TTC27: variants seen among roughly 807,000 people sequenced by gnomAD.
The protein encoded by TTC27 is tetratricopeptide repeat domain 27, also known as tetratricopeptide repeat protein 27.
A neutral mutation model predicts 115.9 loss-of-function variants in TTC27; 79 were observed. The observed-to-expected ratio is 0.68, with a 90% CI of 0.57 to 0.82. The LOEUF (loss-of-function observed/expected upper bound fraction) is 0.82, where lower values mean the gene tolerates loss of function less well. Ranked by LOEUF, TTC27 falls within the 40% of genes least tolerant of loss-of-function variation. TTC27 has a pLI of 0.00. For synonymous variants in TTC27, 401 were observed against 356.0 expected (o/e 1.13, Z -1.42); for missense variants, 1,054 against 993.1 (o/e 1.06, Z -0.82).
chr2:32,678,790 A>G (rs566058099), intron 8 of TTC27, 66 bp from the exon 9 acceptor site: 2 of 1,275,168 alleles, frequency 1.6e-6, no homozygotes, highest in Admixed American at 4.3e-5. Flanking sequence ...TGCTTTTTAA[A>G]AATTATATTT....
chr2:32,684,185 T>G (rs939445008), intron 9 of TTC27, among the ~76,000 whole-genome samples: 2 of 152,134 alleles, frequency 1.3e-5, no homozygotes, highest in Non-Finnish European at 2.9e-5. Context: ...TTTGGTTTTT[T>G]GTTCTTGCGA....
At chr2:32,642,678 T>TG (rs796711904) in intron 4 of TTC27, among the ~76,000 whole-genome samples, 88 of 152,124 alleles carry the variant, frequency 5.8e-4, no homozygotes, top group African/African-American at 1.9e-3. Flanking sequence ...TTGTTTTGTT[T>TG]TTTTTTTAAG....
At chr2:32,765,657 A>T (rs1316522406) in intron 13 of TTC27, among the ~76,000 whole-genome samples, 1 of 152,134 alleles carries the variant, frequency 6.6e-6, no homozygotes, top group Non-Finnish European at 1.5e-5. Flanking sequence ...CTTCTAAAAG[A>T]AGGTTGTTTT....
intron 16 of TTC27, among the ~76,000 whole-genome samples, chr2:32,801,140 G>A (rs900007436): frequency 6.6e-6 from 1 of 152,106 alleles, no homozygotes; most frequent in Non-Finnish European, 1.5e-5. Context: ...GAGTGCCCTC[G>A]GAAGAGTTTT....
chr2:32,659,328 GT>G (rs2151875608), intron 5 of TTC27, among the ~76,000 whole-genome samples: 1 of 143,354 alleles, frequency 7.0e-6, no homozygotes, highest in South Asian at 2.3e-4. Context: ...AACTGATATC[GT>G]CTTCATCAGA....
At chr2:32,724,022 C>A (rs1490001054) in intron 10 of TTC27, among the ~76,000 whole-genome samples, 5 of 133,582 alleles carry the variant, frequency 3.7e-5, no homozygotes, top group African/African-American at 1.2e-4. Context: ...TTAAAACATT[C>A]ACTCAGGTTT....
chr2:32,802,181 G>A (rs1011231791), intron 16 of TTC27, among the ~76,000 whole-genome samples: 2 of 151,984 alleles, frequency 1.3e-5, no homozygotes, highest in African/African-American at 4.8e-5. Flanking sequence ...GTTTCCAGAT[G>A]AAAAGGCAAG....
chr2:32,767,611 G>A (rs3862980), intron 13 of TTC27, among the ~76,000 whole-genome samples: 24,619 of 151,068 alleles, frequency 0.16, 2,444 homozygotes, highest in East Asian at 0.35. Context: ...ACAGGCGCCC[G>A]CCACCGCGCC....
chr2:32,632,090 C>T (rs559879448), intron 2 of TTC27, among the ~76,000 whole-genome samples: 1 of 151,806 alleles, frequency 6.6e-6, no homozygotes, highest in South Asian at 2.1e-4. Flanking sequence ...GGATTACAGA[C>T]GTGAGCCACT....
intron 9 of TTC27, among the ~76,000 whole-genome samples, chr2:32,691,011 A>G (rs1253330231): frequency 6.6e-6 from 1 of 152,208 alleles, no homozygotes; most frequent in Non-Finnish European, 1.5e-5. Context: ...TGGAAAAAGC[A>G]GCTATCTGAA....
At chr2:32,801,141 G>C (rs1670920712) in intron 16 of TTC27, among the ~76,000 whole-genome samples, 1 of 152,154 alleles carries the variant, frequency 6.6e-6, no homozygotes, top group African/African-American at 2.4e-5. Flanking sequence ...AGTGCCCTCG[G>C]AAGAGTTTTT....
At chr2:32,760,927 GCTTAGTC>G (rs1285765651) in intron 13 of TTC27, among the ~76,000 whole-genome samples, 2 of 152,204 alleles carry the variant, frequency 1.3e-5, no homozygotes, top group African/African-American at 4.8e-5. Flanking sequence ...TGCCTTAAAG[GCTTAGTC>G]CTTGGACCTT....
At chr2:32,736,623 A>G in intron 11 of TTC27, 71 bp from the exon 12 acceptor site, 1 of 1,576,350 alleles carries the variant, frequency 6.3e-7, no homozygotes, top group South Asian at 1.1e-5. Flanking sequence ...CAGATTAGGT[A>G]CACCTGCAAG....
At chr2:32,652,067 G>A (rs1665145198) in intron 5 of TTC27, among the ~76,000 whole-genome samples, 1 of 152,038 alleles carries the variant, frequency 6.6e-6, no homozygotes, top group Non-Finnish European at 1.5e-5. Flanking sequence ...GTATGCTTAT[G>A]TATCTTTTTA....
chr2:32,631,618 A>T (rs1208675896), intron 2 of TTC27, among the ~76,000 whole-genome samples: 3 of 152,156 alleles, frequency 2.0e-5, no homozygotes, highest in Non-Finnish European at 4.4e-5. Context: ...TAATTATCTT[A>T]TAAATGCATG....
chr2:32,632,683 CT>C (rs1447179633), intron 2 of TTC27, among the ~76,000 whole-genome samples: 1 of 138,768 alleles, frequency 7.2e-6, no homozygotes, highest in Non-Finnish European at 1.6e-5. Context: ...TTTTTTTTTT[CT>C]TTTTCTGAAA....
At chr2:32,778,463 C>T (rs1670070420) in intron 14 of TTC27, among the ~76,000 whole-genome samples, 1 of 152,130 alleles carries the variant, frequency 6.6e-6, no homozygotes, top group South Asian at 2.1e-4. Flanking sequence ...TAAAGAGAAA[C>T]CCCTGTACCC....
chr2:32,813,301 T>C (rs904845899), intron 18 of TTC27, among the ~76,000 whole-genome samples: 2 of 152,136 alleles, frequency 1.3e-5, no homozygotes, highest in Non-Finnish European at 2.9e-5. Flanking sequence ...ATCCTAAAGT[T>C]CTCCTTCTAC....
intron 16 of TTC27, among the ~76,000 whole-genome samples, chr2:32,791,053 T>C (rs182022894): frequency 1.3e-5 from 2 of 152,348 alleles, no homozygotes; most frequent in Non-Finnish European, 2.9e-5. Context: ...CAGGAATGCT[T>C]TTCTATAATA....
Sources: gnomAD v4.1 joint callset for allele counts (sites outside exome capture counted in the v4.1 genomes callset) on GRCh38, gnomAD v4.1.1 for gene constraint, MANE v1.5 for transcripts, NCBI Gene and HGNC (gene_info 2026-07-23, HGNC 2026-07-21) for gene names.